Variants in CTBP1 observed in about 807,000 individuals in gnomAD.
CTBP1 encodes C-terminal binding protein 1.
In CTBP1, 11 loss-of-function variants were observed where a neutral mutation model predicts 42.1. That is an observed-to-expected ratio of 0.26 (90% confidence interval 0.16 to 0.43). The LOEUF (loss-of-function observed/expected upper bound fraction) is 0.43, where lower values mean the gene tolerates loss of function less well. Among genes scored for constraint, CTBP1 ranks in the 20% least tolerant of loss-of-function variants. The pLI, the probability that CTBP1 is intolerant of heterozygous loss-of-function variation, is 1.00. For missense variants in CTBP1, 399 were observed against 624.3 expected, an observed-to-expected ratio of 0.64 and a Z score of 3.85; for synonymous variants, 324 against 277.1, an observed-to-expected ratio of 1.17 and a Z score of -1.68.
At chr4:1,245,365 C>A (rs1335700190) in intron 1 of CTBP1, 1 of 985,312 alleles carries the variant, frequency 1.0e-6, no homozygotes, top group African/African-American at 1.7e-5. Flanking sequence ...GCTCCAGGAA[C>A]CCCCAGAACG....
Position 1,225,385 on chromosome 4 carries a change from C to A in CTBP1, c.489G>T (p.Gly163=). The A allele has an allele frequency of 6.4e-7, 1 of 1,565,938 alleles. No individual in the cohort carries two copies. The highest frequency in any genetic ancestry group is 1.8e-5 in the Admixed American group (1 of 54,844). The part of the protein sequence containing the change: ...EVASGAARIR[G]ETLGIIGLGR... ...CAAGTCCGATGATGCCCAAGGTCTC[C>A]CCGCGGATCCTGGCAGCGCCGGACG... Residue 163 remains glycine (G), a synonymous_variant, in exon 5 of 10, where the codon GGG becomes GGT. Transcript: ENST00000382952.
At chr4:1,230,535 G>T (rs1449410720) in intron 3 of CTBP1, among the ~76,000 whole-genome samples, 2 of 152,200 alleles carry the variant, frequency 1.3e-5, no homozygotes, top group Non-Finnish European at 2.9e-5. Flanking sequence ...GAGCCCGGGG[G>T]GCTGGCCTGG....
At chr4:1,230,609 G>A (rs1186513518) in intron 3 of CTBP1, among the ~76,000 whole-genome samples, 2 of 152,310 alleles carry the variant, frequency 1.3e-5, no homozygotes, top group East Asian at 3.9e-4. Flanking sequence ...GGACAGGCTG[G>A]ACAGACCCAC....
intron 3 of CTBP1, among the ~76,000 whole-genome samples, chr4:1,228,791 G>C (rs769774576): frequency 6.6e-6 from 1 of 152,130 alleles, no homozygotes; most frequent in Non-Finnish European, 1.5e-5. Context: ...GGGAACCTGA[G>C]ACCTGCAGGC....
chr4:1,243,872 C>T (rs750328513), intron 1 of CTBP1: 30 of 985,352 alleles, frequency 3.0e-5, no homozygotes, highest in African/African-American at 7.0e-5. Context: ...CCCAGCGACA[C>T]GAGGACAGTC....
chr4:1,247,133 A>G (rs1387545188), intron 1 of CTBP1, among the ~76,000 whole-genome samples: 3 of 152,196 alleles, frequency 2.0e-5, no homozygotes, highest in Admixed American at 1.3e-4. Flanking sequence ...GTAAAAGGGA[A>G]GATCCTACTC....
At chr4:1,223,887 C>T (rs992983654) in intron 5 of CTBP1, among the ~76,000 whole-genome samples, 1 of 152,360 alleles carries the variant, frequency 6.6e-6, no homozygotes, top group African/African-American at 2.4e-5. Context: ...TGTGTGGGGC[C>T]GGTTCACCGC....
At chr4:1,218,558 A>G (rs905079738) in intron 5 of CTBP1, 1 of 152,232 alleles carries the variant, frequency 6.6e-6, no homozygotes, top group Admixed American at 6.5e-5. Context: ...GAAAGGGTGG[A>G]TGTGTCGGTT....
intron 4 of CTBP1, among the ~76,000 whole-genome samples, chr4:1,226,801 G>A (rs1362211693): frequency 6.6e-6 from 1 of 151,570 alleles, no homozygotes; most frequent in Non-Finnish European, 1.5e-5. Context: ...GAGGAGGCTG[G>A]CACACAGGTT....
At chr4:1,240,841 T>C (rs1052936431) in intron 2 of CTBP1, among the ~76,000 whole-genome samples, 3 of 152,138 alleles carry the variant, frequency 2.0e-5, no homozygotes, top group Non-Finnish European at 4.4e-5. Context: ...TCACACGGCC[T>C]GTGCTGAAGC....
intron 5 of CTBP1, among the ~76,000 whole-genome samples, chr4:1,218,866 A>G (rs899089327): frequency 3.3e-5 from 5 of 152,228 alleles, no homozygotes; most frequent in African/African-American, 1.2e-4. Flanking sequence ...AGAAGGCCAG[A>G]AAGGAAAAAC....
chr4:1,228,112 A>G lies in CTBP1; in HGVS notation c.307+87T>C, dbSNP rs1416328145. ...CCAGGCAATGTGCAACGGGGTCCTC[A>G]GTGTGGCAGTGAAGCCTCCATGGAC... On this transcript the variant is annotated intron_variant, in intron 4 of 9. Coordinates refer to ENST00000382952, the MANE Select transcript of CTBP1 (RefSeq NM_001012614.2). 9 of 1,534,032 alleles carry G rather than the reference A, an allele frequency of 5.9e-6. No individual in the cohort carries two copies. The East Asian group carries it at 9.2e-5, about 16-fold the overall frequency.
At position 1,228,317 on chromosome 4, in the gene CTBP1, C is replaced by G. The variant is rs1730600285; in HGVS notation, c.189G>C (p.Leu63=). Residue 63 remains leucine (L), a synonymous_variant, in exon 4 of 10, where the codon CTG becomes CTC. Coordinates refer to ENST00000382952, the MANE Select transcript of CTBP1 (RefSeq NM_001012614.2). ...EKVLNEAVGA[L]MYHTITLTRE... Reference sequence around the variant, plus strand: ...TGGTGAGAGTGATGGTGTGGTACATCAGGGCCCCCACAGCCTCGTTCAGGA... The same window carrying G: ...TGGTGAGAGTGATGGTGTGGTACATGAGGGCCCCCACAGCCTCGTTCAGGA... The G allele has an allele frequency of 1.9e-6, 3 of 1,614,032 alleles. No individual in the cohort carries two copies. The highest frequency in any genetic ancestry group is 2.2e-5 in the South Asian group (2 of 91,068).
chr4:1,239,350 C>T (rs1320944985), intron 2 of CTBP1, among the ~76,000 whole-genome samples: 1 of 152,178 alleles, frequency 6.6e-6, no homozygotes, highest in Non-Finnish European at 1.5e-5. Flanking sequence ...CGGTCCCTCC[C>T]CTCCTCCTCC....
At chr4:1,242,464 G>A in intron 1 of CTBP1, 1 of 985,108 alleles carries the variant, frequency 1.0e-6, no homozygotes, top group Non-Finnish European at 1.2e-6. Flanking sequence ...TAAGACCCTG[G>A]TAGTGTGCTG....
Position 1,242,530 on chromosome 4 carries a change from C to G in CTBP1, c.-188-1011G>C, listed in dbSNP as rs1244331300. 4.1e-6 allele frequency: 4 copies of G among 984,992 alleles called. No homozygotes were observed. The South Asian group carries it at 1.9e-4, about 46-fold the overall frequency. 61.0% of individuals were successfully genotyped at this position (984,992 alleles called of 1,614,324 possible). The stretch of plus-strand genomic sequence containing the variant: ...ACAAATCTCCAACCCTCAACTCCCT[C>G]TGCAGGATTCAAGCATACATGCCGA... On this transcript the variant is annotated intron_variant, in intron 1 of 9. Coordinates refer to ENST00000382952, the MANE Select transcript of CTBP1 (RefSeq NM_001012614.2).
chr4:1,248,620 C>G, intron 1 of CTBP1: 3 of 953,390 alleles, frequency 3.1e-6, no homozygotes, highest in Non-Finnish European at 3.7e-6. Flanking sequence ...GCTGGGGGTC[C>G]GGCGGGGCAG....
In CTBP1 at chr4:1,233,522, C is replaced by T. The variant is rs1032418181; in HGVS notation, c.162+4661G>A. ...GCCCACACCGGACGCAGCCTCCAGG[C>T]TCCAGGGCTTCCTTTTTCTTGCTCA... On this transcript the variant is annotated intron_variant, in intron 3 of 9. Coordinates refer to ENST00000382952, the MANE Select transcript of CTBP1 (RefSeq NM_001012614.2). This position sits in a 1 kb window ranked among gnomAD's most constrained non-coding sequence, Gnocchi z 4.6. Among the ~76,000 whole-genome samples, 3 of 152,234 alleles carry T rather than the reference C, an allele frequency of 2.0e-5. No homozygotes were observed. Among genetic ancestry groups the T allele is most frequent in the Non-Finnish European group, 4.4e-5 (3 of 68,038 alleles).
chr4:1,243,777 G>A, intron 1 of CTBP1: 1 of 985,424 alleles, frequency 1.0e-6, no homozygotes, highest in South Asian at 4.7e-5. Flanking sequence ...AAGGCACACG[G>A]CTCCCAGAGG....
Sources: allele counts gnomAD v4.1 joint callset (sites outside exome capture counted in the v4.1 genomes callset), GRCh38; gene constraint gnomAD v4.1.1; non-coding constraint Gnocchi (gnomAD v3.1); transcripts MANE v1.5; gene names NCBI Gene and HGNC (gene_info 2026-07-23, HGNC 2026-07-21).